CCNH: variants seen among roughly 807,000 people sequenced by gnomAD.
CCNH encodes cyclin-H.
CCNH carries 31 observed loss-of-function variants against 41.9 expected under a neutral mutation model. That is an observed-to-expected ratio of 0.74 (90% confidence interval 0.56 to 1.00). The LOEUF (loss-of-function observed/expected upper bound fraction) is 1.00. Ranked by LOEUF, CCNH falls within the 50% of genes least tolerant of loss-of-function variation. The probability of loss-of-function intolerance (pLI) is 0.00; values close to 1 mark genes in which losing one functional copy is unlikely to be tolerated. For missense variants in CCNH, 362 were observed against 388.4 expected (o/e 0.93, Z 0.57); for synonymous variants, 138 against 136.1 (o/e 1.01, Z -0.10).
At chr5:87,390,657 TAGAG>T (rs1580421664), downstream of CCNH, 9 of 731,422 alleles carry the variant, frequency 1.2e-5, no homozygotes, top group East Asian at 2.4e-4. Context: ...GACTGAATAA[TAGAG>T]ACTTATGTTT....
Position 87,394,359 on chromosome 5 carries a change from A to ACAT in CCNH, c.*84_*86dup. The ACAT allele has an allele frequency of 2.6e-6, 4 of 1,514,688 alleles. No homozygotes were observed. The highest frequency in any genetic ancestry group is 3.5e-6 in the Non-Finnish European group (4 of 1,127,988). The allele number at this position is 1,514,688 out of a possible 1,614,324, so 93.8% of individuals were successfully genotyped here. ...AAGTTTTAATATATTTTATGTTTTC[A>ACAT]CATTATACTTTTTAAATAAAGTTAA... On this transcript the variant is annotated 3_prime_UTR_variant, in exon 9 of 9. Transcript: ENST00000256897.
At position 87,377,046 on chromosome 5, in the gene CCNH, G is replaced by A. The variant is rs1209774646; in HGVS notation, n.135C>T. ...CAGAGAAATAAGCATGGAAGGTATGGTATGGCCATGTTAGTGTGATACAAG... is the reference window on the plus strand; with the variant it reads ...CAGAGAAATAAGCATGGAAGGTATGATATGGCCATGTTAGTGTGATACAAG... On this transcript the variant is annotated non_coding_transcript_exon_variant, in exon 1 of 1. Coordinates refer to the CCNH transcript ENST00000607486. 1.9e-6 allele frequency: 3 copies of A among 1,611,478 alleles called. No individual in the cohort carries two copies. The highest frequency in any genetic ancestry group is 1.1e-5 in the South Asian group (1 of 91,018).
At chr5:87,334,223 T>C (rs781650273) in intron 9 of CCNH, among the ~76,000 whole-genome samples, 1 of 152,176 alleles carries the variant, frequency 6.6e-6, no homozygotes, top group African/African-American at 2.4e-5. Flanking sequence ...TCTGAAGACC[T>C]GAGAACCAGG....
chr5:87,362,315 A>G (rs1760167312), intron 9 of CCNH, among the ~76,000 whole-genome samples: 1 of 152,174 alleles, frequency 6.6e-6, no homozygotes, highest in Non-Finnish European at 1.5e-5. Flanking sequence ...ACAACTTATT[A>G]GTTGTTCTTG....
chr5:87,345,333 C>A (rs1449398281), intron 9 of CCNH, among the ~76,000 whole-genome samples: 1 of 152,124 alleles, frequency 6.6e-6, no homozygotes, highest in Non-Finnish European at 1.5e-5. Flanking sequence ...CATCTGTAAA[C>A]CCTATCACTT....
At chr5:87,392,533 G>T (rs548495395), downstream of CCNH, 1 of 353,324 alleles carries the variant, frequency 2.8e-6, no homozygotes, top group African/African-American at 2.1e-5. Flanking sequence ...AGTATCCCAG[G>T]TGGTCTCCTT....
chr5:87,331,230 T>C (rs1482011771), intron 9 of CCNH: 3 of 1,139,318 alleles, frequency 2.6e-6, no homozygotes, highest in Non-Finnish European at 4.0e-6. Context: ...CAGAGTAAAA[T>C]GTAAATGTTT....
At chr5:87,372,084 G>A (rs1333559101), downstream of CCNH, 3 of 1,588,410 alleles carry the variant, frequency 1.9e-6, no homozygotes, top group Admixed American at 1.7e-5. Context: ...ATAAACTAGT[G>A]TATATTTCTT....
downstream of CCNH, chr5:87,392,258 TAA>T: frequency 2.2e-6 from 1 of 455,856 alleles, no homozygotes. Context: ...CTCTAATGTA[TAA>T]AATACAGGAA....
intron 9 of CCNH, among the ~76,000 whole-genome samples, chr5:87,335,037 C>T (rs1216008109): frequency 6.6e-6 from 1 of 152,074 alleles, no homozygotes; most frequent in African/African-American, 2.4e-5. Flanking sequence ...CGTGTGTCAC[C>T]AAGTCCAGCT....
At chr5:87,370,789 G>C (rs1301856605) in intron 9 of CCNH, among the ~76,000 whole-genome samples, 2 of 152,094 alleles carry the variant, frequency 1.3e-5, no homozygotes, top group Admixed American at 1.3e-4. Flanking sequence ...AAGTGAAAGT[G>C]GCTTTGTTGG....
downstream of CCNH, chr5:87,386,748 A>C (rs1762089125): frequency 1.6e-6 from 2 of 1,275,974 alleles, no homozygotes. Context: ...TGTTAACTGT[A>C]ATTACTTTTG....
the CCNH span, among the ~76,000 whole-genome samples, chr5:87,313,053 C>T: frequency 2.0e-4 from 31 of 152,194 alleles, 1 homozygote; most frequent in East Asian, 5.8e-3. Flanking sequence ...GGGGGCTGAA[C>T]AGGCGTCTTA....
chr5:87,338,533 A>ATATATATATATAT lies in CCNH; in HGVS notation c.*91-19637_*91-19636insATATATATATATA, dbSNP rs1491365794. Among the ~76,000 whole-genome samples, 510 of 91,044 alleles carry ATATATATATATAT rather than the reference A, an allele frequency of 5.6e-3. 13 individuals carry two copies. The highest frequency in any genetic ancestry group is 7.7e-3 in the Non-Finnish European group (386 of 50,088). The allele number at this position is 91,044 out of a possible 152,430, so 59.7% of individuals were successfully genotyped here. On this transcript the variant is annotated intron_variant and NMD_transcript_variant, in intron 9 of 9. Transcript: ENST00000645953. Reference sequence around the variant, plus strand: ...TATATATATATATATATATATATATAAAATTTTTTTTTTTTTTAAGTAGAA... The same window carrying ATATATATATATAT: ...TATATATATATATATATATATATATATATATATATATATAAATTTTTTTTTTTTTTAAGTAGAA...
chr5:87,345,462 G>C (rs1270523737), intron 9 of CCNH, among the ~76,000 whole-genome samples: 2 of 152,036 alleles, frequency 1.3e-5, no homozygotes, highest in Non-Finnish European at 2.9e-5. Flanking sequence ...AGCATTTGTA[G>C]TAAGTGGTCA....
intron 2 of CCNH, among the ~76,000 whole-genome samples, chr5:87,409,691 C>G (rs1764080167): frequency 6.6e-6 from 1 of 150,558 alleles, no homozygotes. Context: ...CAAAAATGTT[C>G]TGAATTAGAT....
At chr5:87,374,147 ATT>A (rs377722838), downstream of CCNH, 3,644 of 991,868 alleles carry the variant, frequency 3.7e-3, 1 homozygote, top group South Asian at 7.6e-3. Flanking sequence ...ATATATATAT[ATT>A]TTTTTTTTTT....
chr5:87,388,409 C>T (rs1762218367), downstream of CCNH, among the ~76,000 whole-genome samples: 1 of 152,020 alleles, frequency 6.6e-6, no homozygotes, highest in Non-Finnish European at 1.5e-5. Context: ...GTTGAGTATC[C>T]CTAATCTGAA....
chr5:87,399,361 T>A (rs3093827), intron 7 of CCNH, 33 bp downstream of exon 7: 1 of 1,434,650 alleles, frequency 7.0e-7, no homozygotes, highest in Non-Finnish European at 9.8e-7. Context: ...ATAACAGTTA[T>A]GTCTATTGAT....
Sources: gnomAD v4.1 joint callset for allele counts (sites outside exome capture counted in the v4.1 genomes callset) on GRCh38, gnomAD v4.1.1 for gene constraint, MANE v1.5 for transcripts, NCBI Gene and HGNC (gene_info 2026-07-23, HGNC 2026-07-21) for gene names.